The following ANK3 variants were observed in gnomAD, a reference collection of about 807,000 sequenced individuals.
The protein encoded by ANK3 is ankyrin 3.
Under a neutral mutation model 370.9 loss-of-function variants are expected in ANK3, and 57 were observed. That is an observed-to-expected ratio of 0.15 (90% confidence interval 0.12 to 0.19). The LOEUF (loss-of-function observed/expected upper bound fraction) is 0.19, where lower values mean the gene tolerates loss of function less well. Among genes scored for constraint, ANK3 ranks in the 10% least tolerant of loss-of-function variants. The probability of loss-of-function intolerance (pLI) is 1.00; values close to 1 mark genes in which losing one functional copy is unlikely to be tolerated. For synonymous variants in ANK3, 1,929 were observed against 1,946.3 expected, an observed-to-expected ratio of 0.99 and a Z score of 0.23; for missense variants, 4,439 against 5,302.1, an observed-to-expected ratio of 0.84 and a Z score of 5.06.
intron 1 of ANK3, among the ~76,000 whole-genome samples, chr10:60,645,847 A>G (rs1393069817): frequency 1.3e-5 from 2 of 152,244 alleles, no homozygotes; most frequent in East Asian, 3.8e-4. Context: ...TTTGCTAAGA[A>G]TTAGCATACA....
chr10:60,507,191 G>T (rs1393268413), intron 2 of ANK3, among the ~76,000 whole-genome samples: 5 of 151,944 alleles, frequency 3.3e-5, no homozygotes, highest in Non-Finnish European at 7.4e-5. Flanking sequence ...AGAAAGAAAT[G>T]GTTGTTTAAA....
chr10:60,402,939 T>G (rs2132907719), intron 2 of ANK3, among the ~76,000 whole-genome samples: 1 of 152,334 alleles, frequency 6.6e-6, no homozygotes, highest in East Asian at 1.9e-4. Context: ...TGGGGTGGTT[T>G]GTTATGCAGT....
At position 60,068,893 on chromosome 10, in the gene ANK3, G is replaced by A. The variant is rs771067266; in HGVS notation, c.11988C>T (p.Ser3996=). The A allele has an allele frequency of 1.2e-6, 2 of 1,614,084 alleles. No individual in the cohort carries two copies. Among genetic ancestry groups the A allele is most frequent in the Non-Finnish European group, 1.7e-6 (2 of 1,180,022 alleles). ...CACTAATTCCCTTAAAATATTCAAT[G>A]GAATGTTTACATACTTCCTTGAGCT... ...KSQLKEVCKH[S]IEYFKGISGE... The change falls in exon 37 of 44, where the codon TCC becomes TCT. Residue 3996 remains serine (S), a synonymous_variant. Transcript: ENST00000280772.
chr10:60,293,432 A>C (rs1291560858), intron 1 of ANK3, among the ~76,000 whole-genome samples: 3 of 152,230 alleles, frequency 2.0e-5, no homozygotes, highest in Non-Finnish European at 2.9e-5. Context: ...AAATACATAC[A>C]ATCCTATCTG....
chr10:60,646,136 G>A (rs891708196), intron 1 of ANK3, among the ~76,000 whole-genome samples: 1 of 151,878 alleles, frequency 6.6e-6, no homozygotes, highest in Non-Finnish European at 1.5e-5. Context: ...CAGGCAGGGA[G>A]CCAAGGTCTT....
intron 7 of ANK3, among the ~76,000 whole-genome samples, chr10:60,240,119 CACACATATATATACATATATAT>C (rs1565914439): frequency 2.7e-5 from 3 of 111,534 alleles, no homozygotes; most frequent in South Asian, 3.1e-4. Context: ...CATATATATA[CACACATATATATACATATATAT>C]ACACATATAT....
intron 2 of ANK3, among the ~76,000 whole-genome samples, chr10:60,595,116 T>A (rs116722621): frequency 0.011 from 1,697 of 152,230 alleles, 31 homozygotes; most frequent in African/African-American, 0.033. Flanking sequence ...CTATTTTTTT[T>A]AAAAATTGAT....
intron 1 of ANK3, among the ~76,000 whole-genome samples, chr10:60,375,286 G>GT (rs1212829822): frequency 6.6e-6 from 1 of 152,202 alleles, no homozygotes; most frequent in Non-Finnish European, 1.5e-5. Flanking sequence ...TGCATTGACA[G>GT]TTAATATTTA....
At chr10:60,237,239 T>C (rs1013900638) in intron 7 of ANK3, among the ~76,000 whole-genome samples, 1 of 152,182 alleles carries the variant, frequency 6.6e-6, no homozygotes, top group African/African-American at 2.4e-5. Flanking sequence ...AGTACAAGTG[T>C]GTATTGCTCT....
chr10:60,145,439 A>G (rs2094769133), intron 23 of ANK3, among the ~76,000 whole-genome samples: 1 of 152,186 alleles, frequency 6.6e-6, no homozygotes. Flanking sequence ...AATGAAAACT[A>G]TTGGGAAAAT....
At chr10:60,553,230 A>G (rs531079908) in intron 2 of ANK3, among the ~76,000 whole-genome samples, 1 of 151,130 alleles carries the variant, frequency 6.6e-6, no homozygotes, top group East Asian at 1.9e-4. Context: ...CTGAAAGGCT[A>G]GAATCCTTGG....
At chr10:60,510,769 G>A (rs1381445819) in intron 2 of ANK3, among the ~76,000 whole-genome samples, 2 of 151,994 alleles carry the variant, frequency 1.3e-5, no homozygotes, top group Non-Finnish European at 2.9e-5. Flanking sequence ...GTAGTGAACT[G>A]ATATCGCATC....
intron 28 of ANK3, among the ~76,000 whole-genome samples, chr10:60,090,266 C>T (rs776726724): frequency 2.0e-5 from 3 of 151,840 alleles, no homozygotes; most frequent in East Asian, 3.9e-4. Context: ...TGCAGTGAGC[C>T]GAGATCACGC....
chr10:60,178,887 TA>T (rs926622692), intron 18 of ANK3, among the ~76,000 whole-genome samples: 28 of 150,504 alleles, frequency 1.9e-4, no homozygotes, highest in African/African-American at 6.6e-4. Context: ...CAATTTAGCT[TA>T]AACTCATTTG....
At chr10:60,562,657 A>G (rs1034999836) in intron 2 of ANK3, among the ~76,000 whole-genome samples, 13 of 152,218 alleles carry the variant, frequency 8.5e-5, no homozygotes, top group Non-Finnish European at 1.8e-4. Flanking sequence ...CCTGGTGATG[A>G]CAGAGGATTT....
chr10:60,043,365 C>A, intron 42 of ANK3: 1 of 984,600 alleles, frequency 1.0e-6, no homozygotes, highest in Non-Finnish European at 1.2e-6. Context: ...GTGATTTGTA[C>A]TTCTGATAAA....
chr10:60,063,315 T>C, intron 39 of ANK3, 61 bp from the exon 40 acceptor site: 4 of 1,505,610 alleles, frequency 2.7e-6, no homozygotes, highest in South Asian at 2.7e-5. Context: ...GTCAGCACAA[T>C]ATCTACACAA....
intron 1 of ANK3, among the ~76,000 whole-genome samples, chr10:60,703,874 G>C (rs773749282): frequency 6.6e-6 from 1 of 152,118 alleles, no homozygotes; most frequent in Non-Finnish European, 1.5e-5. Context: ...AACACCTCCA[G>C]GTGTTCGTGC....
At chr10:60,424,049 G>C (rs1595001656) in intron 2 of ANK3, among the ~76,000 whole-genome samples, 1 of 152,050 alleles carries the variant, frequency 6.6e-6, no homozygotes, top group Non-Finnish European at 1.5e-5. Flanking sequence ...GTGCTTGACT[G>C]TCAGCACTTT....
Sources: allele counts gnomAD v4.1 joint callset (sites outside exome capture counted in the v4.1 genomes callset), GRCh38; gene constraint gnomAD v4.1.1; transcripts MANE v1.5; gene names NCBI Gene and HGNC (gene_info 2026-07-23, HGNC 2026-07-21).